The following RAPGEF5 variants were observed in gnomAD, a reference collection of about 807,000 sequenced individuals.
RAPGEF5 encodes Rap guanine nucleotide exchange factor 5.
RAPGEF5 carries 65 observed loss-of-function variants against 125.2 expected under a neutral mutation model. That is an observed-to-expected ratio of 0.52 (90% CI 0.43 to 0.64). The LOEUF (loss-of-function observed/expected upper bound fraction) is 0.64, where lower values mean the gene tolerates loss of function less well. Among genes scored for constraint, RAPGEF5 ranks in the 30% least tolerant of loss-of-function variants. The pLI is 0.00. For missense variants in RAPGEF5, 958 were observed against 1,048.1 expected (o/e 0.91, Z 1.19); for synonymous variants, 391 against 385.9 (o/e 1.01, Z -0.16).
chr7:22,147,357 T>C (rs977706319), intron 18 of RAPGEF5, among the ~76,000 whole-genome samples: 3 of 152,216 alleles, frequency 2.0e-5, no homozygotes, highest in African/African-American at 7.2e-5. Flanking sequence ...GAAATCACTT[T>C]GGCTTCTGGT....
chr7:22,170,052 A>G (rs6948973), intron 11 of RAPGEF5, among the ~76,000 whole-genome samples: 148,148 of 151,724 alleles, frequency 0.98, 72,333 homozygotes, highest in East Asian at 0.99. Context: ...TGCACTCAAT[A>G]TTAGACACAA....
chr7:22,275,143 A>G (rs1782528502), intron 6 of RAPGEF5, among the ~76,000 whole-genome samples: 1 of 151,916 alleles, frequency 6.6e-6, no homozygotes, highest in African/African-American at 2.4e-5. Context: ...TCAGATCCCA[A>G]CTTAGGTACC....
intron 9 of RAPGEF5, among the ~76,000 whole-genome samples, chr7:22,218,430 G>T (rs1385938357): frequency 1.3e-5 from 2 of 152,036 alleles, no homozygotes; most frequent in Non-Finnish European, 2.9e-5. Context: ...CTTGCAATCA[G>T]TTGTAAGATA....
At chr7:22,177,827 A>T (rs1383118029) in intron 11 of RAPGEF5, among the ~76,000 whole-genome samples, 1 of 152,164 alleles carries the variant, frequency 6.6e-6, no homozygotes, top group Non-Finnish European at 1.5e-5. Flanking sequence ...CTCTCCCGAG[A>T]GTGTGGACCC....
chr7:22,120,422 A>C lies in RAPGEF5; in HGVS notation c.*1984T>G, dbSNP rs1053067266. 1 of 152,638 alleles carries C rather than the reference A, an allele frequency of 6.6e-6. No individual in the cohort carries two copies. Among genetic ancestry groups the C allele is most frequent in the African/African-American group, 2.4e-5 (1 of 41,460 alleles). The allele number at this position is 152,638 out of a possible 1,614,324, so 9.5% of individuals were successfully genotyped here. ...CTAGGAGCAATGTAGTTCTAATGTAAATAAAAATCCAAATTTTGAAACACA... is the reference window on the plus strand; with the variant it reads ...CTAGGAGCAATGTAGTTCTAATGTACATAAAAATCCAAATTTTGAAACACA... On this transcript the variant is annotated 3_prime_UTR_variant, in exon 26 of 26. Transcript: ENST00000665637. The surrounding 1 kb of genome is among the most constrained non-coding windows in gnomAD (Gnocchi z 4.0).
chr7:22,305,617 TA>T (rs1783318451), intron 5 of RAPGEF5, among the ~76,000 whole-genome samples: 1 of 152,198 alleles, frequency 6.6e-6, no homozygotes, highest in Non-Finnish European at 1.5e-5. Flanking sequence ...TTGGTATAGT[TA>T]CCCTGTTGTG....
At chr7:22,344,878 C>T (rs1349999157) in intron 1 of RAPGEF5, among the ~76,000 whole-genome samples, 2 of 152,178 alleles carry the variant, frequency 1.3e-5, no homozygotes, top group Non-Finnish European at 2.9e-5. Context: ...GCCTTCATCA[C>T]GGAGGTGGTA....
At chr7:22,311,481 A>T (rs1783470356) in intron 3 of RAPGEF5, among the ~76,000 whole-genome samples, 1 of 152,160 alleles carries the variant, frequency 6.6e-6, no homozygotes, top group African/African-American at 2.4e-5. Context: ...TCACACCATA[A>T]CCAACAATAT....
At chr7:22,281,520 A>T (rs1280192384) in intron 6 of RAPGEF5, among the ~76,000 whole-genome samples, 1 of 152,228 alleles carries the variant, frequency 6.6e-6, no homozygotes, top group Admixed American at 6.5e-5. Context: ...GGTGAAGAAG[A>T]TAATATCTAA....
chr7:22,178,820 T>TCCCTC (rs1382346341), intron 11 of RAPGEF5, among the ~76,000 whole-genome samples: 3 of 152,056 alleles, frequency 2.0e-5, no homozygotes, highest in African/African-American at 7.2e-5. Flanking sequence ...AATCTCCATC[T>TCCCTC]CCCTCCCCTC....
intron 6 of RAPGEF5, among the ~76,000 whole-genome samples, chr7:22,288,900 T>C (rs993132155): frequency 2.6e-5 from 4 of 152,246 alleles, no homozygotes; most frequent in African/African-American, 7.2e-5. Flanking sequence ...ATCACATTAA[T>C]CTGTTGTTCA....
At chr7:22,290,945 A>G (rs1782920821) in intron 6 of RAPGEF5, among the ~76,000 whole-genome samples, 1 of 152,108 alleles carries the variant, frequency 6.6e-6, no homozygotes, top group African/African-American at 2.4e-5. Flanking sequence ...CACCTCCACA[A>G]AGGTTGCAGG....
intron 7 of RAPGEF5, among the ~76,000 whole-genome samples, chr7:22,255,826 G>A (rs1786745839): frequency 6.6e-6 from 1 of 152,110 alleles, no homozygotes; most frequent in Non-Finnish European, 1.5e-5. Context: ...AGCAGAATAA[G>A]AATGCCTTTT....
At chr7:22,228,455 G>C (rs1301022497) in intron 8 of RAPGEF5, among the ~76,000 whole-genome samples, 3 of 152,082 alleles carry the variant, frequency 2.0e-5, no homozygotes, top group Admixed American at 2.0e-4. Context: ...TATTATTACA[G>C]AAAAGGAGGG....
chr7:22,179,367 AG>A (rs1784604414), intron 11 of RAPGEF5, among the ~76,000 whole-genome samples: 1 of 152,202 alleles, frequency 6.6e-6, no homozygotes, highest in Non-Finnish European at 1.5e-5. Flanking sequence ...ATCAGACATA[AG>A]AAAAGTACTT....
chr7:22,187,601 C>T (rs1486029509), intron 11 of RAPGEF5, among the ~76,000 whole-genome samples: 1 of 152,128 alleles, frequency 6.6e-6, no homozygotes, highest in African/African-American at 2.4e-5. Context: ...TTTTGTGTGT[C>T]CAGTACCTCT....
intron 9 of RAPGEF5, chr7:22,194,821 C>A: frequency 1.0e-6 from 1 of 952,384 alleles, no homozygotes; most frequent in Non-Finnish European, 1.3e-6. Context: ...GGCCCGCTGA[C>A]GTGGCTCTGT....
chr7:22,294,549 C>T (rs1002526188), intron 5 of RAPGEF5, among the ~76,000 whole-genome samples: 2 of 152,162 alleles, frequency 1.3e-5, no homozygotes, highest in Non-Finnish European at 2.9e-5. Context: ...ATCATTATGT[C>T]CACTCCTACC....
chr7:22,146,619 A>C (rs1172363982), intron 19 of RAPGEF5, among the ~76,000 whole-genome samples: 3 of 152,202 alleles, frequency 2.0e-5, no homozygotes, highest in African/African-American at 7.2e-5. Flanking sequence ...ACCCCATTAG[A>C]GCCTCATCTC....
Sources: allele counts gnomAD v4.1 joint callset (sites outside exome capture counted in the v4.1 genomes callset), GRCh38; gene constraint gnomAD v4.1.1; non-coding constraint Gnocchi (gnomAD v3.1); transcripts MANE v1.5; gene names NCBI Gene and HGNC (gene_info 2026-07-23, HGNC 2026-07-21).